The following STN1 variants were observed in gnomAD, a reference collection of about 807,000 sequenced individuals.
The protein encoded by STN1 is CST complex subunit STN1.
Under a neutral mutation model 45.5 loss-of-function variants are expected in STN1, and 29 were observed. The ratio of observed to expected loss-of-function variants is 0.64; its 90% CI spans 0.47 to 0.87. The LOEUF is 0.87. Among genes scored for constraint, STN1 ranks in the 40% least tolerant of loss-of-function variants. The pLI, the probability that STN1 is intolerant of heterozygous loss-of-function variation, is 0.00. For synonymous variants in STN1, 148 were observed against 159.0 expected (o/e 0.93, Z 0.52); for missense variants, 376 against 441.4 (o/e 0.85, Z 1.33).
At chr10:103,899,642 G>GTGCCACTGCATTGGGCTGTGACTC (rs1843193828) in intron 5 of STN1, among the ~76,000 whole-genome samples, 1 of 152,014 alleles carries the variant, frequency 6.6e-6, no homozygotes, top group African/African-American at 2.4e-5. Flanking sequence ...GGCTGTGACT[G>GTGCCACTGCATTGGGCTGTGACTC]TGCCACTGCA....
chr10:103,884,417 C>T (rs1041854571), intron 9 of STN1, among the ~76,000 whole-genome samples: 19 of 152,094 alleles, frequency 1.2e-4, no homozygotes, highest in African/African-American at 4.6e-4. Context: ...ATTCATGAAA[C>T]TTAATTTCAT....
chr10:103,906,306 T>C (rs1022701310), intron 3 of STN1, among the ~76,000 whole-genome samples: 5 of 152,194 alleles, frequency 3.3e-5, no homozygotes, highest in Middle Eastern at 3.2e-3. Flanking sequence ...TCTAACCACC[T>C]AAAAACTAAT....
intron 9 of STN1, among the ~76,000 whole-genome samples, chr10:103,884,873 T>C (rs1843093321): frequency 6.6e-6 from 1 of 152,218 alleles, no homozygotes; most frequent in Non-Finnish European, 1.5e-5. Context: ...CTAGTGGCTG[T>C]GTCCACTCAT....
At chr10:103,908,833 A>G (rs1257492559) in intron 3 of STN1, among the ~76,000 whole-genome samples, 2 of 152,186 alleles carry the variant, frequency 1.3e-5, no homozygotes, top group Non-Finnish European at 2.9e-5. Flanking sequence ...AAAGTCCTCA[A>G]ACAGTCTCAT....
At chr10:103,892,074 A>T in intron 8 of STN1, 56 bp downstream of exon 8, 1 of 1,339,330 alleles carries the variant, frequency 7.5e-7, no homozygotes, top group Non-Finnish European at 1.0e-6. Flanking sequence ...CATAAGTAAT[A>T]AATATATTTG....
Position 103,909,496 on chromosome 10 carries a change from G to GTATA in STN1, c.229+1027_229+1030dup, listed in dbSNP as rs1452774665. Among the ~76,000 whole-genome samples, 8 of 77,180 alleles carry GTATA rather than the reference G, an allele frequency of 1.0e-4. 1 individual carries two copies. Among genetic ancestry groups the GTATA allele is most frequent in the Non-Finnish European group, 1.7e-4 (7 of 40,568 alleles). The allele number at this position is 77,180 out of a possible 152,430, so 50.6% of individuals were successfully genotyped here. ...TATATATGTATATATATGTGTGTGT[G>GTATA]TATATGTATATATGTATATATGTAT... On this transcript the variant is annotated intron_variant, in intron 3 of 9. Coordinates refer to ENST00000224950, the MANE Select transcript of STN1 (RefSeq NM_024928.5).
At chr10:103,885,891 GC>G (rs1299785810) in intron 9 of STN1, among the ~76,000 whole-genome samples, 1 of 152,098 alleles carries the variant, frequency 6.6e-6, no homozygotes, top group African/African-American at 2.4e-5. Context: ...TGATAACTGC[GC>G]CTTATATTTT....
chr10:103,907,853 G>C (rs1843252391), intron 3 of STN1, among the ~76,000 whole-genome samples: 2 of 152,016 alleles, frequency 1.3e-5, no homozygotes, highest in Admixed American at 1.3e-4. Flanking sequence ...AGCAGGCCAG[G>C]AGCAGTGGCT....
In STN1 at chr10:103,882,626, G is replaced by A; in HGVS notation, c.*58C>T. ...CCCCTGCATGATGCTGAAAGTCAGA[G>A]CCTGGGGGTGAATGCCACCTTATCT... On this transcript the variant is annotated 3_prime_UTR_variant, in exon 10 of 10. Transcript: ENST00000224950. The A allele has an allele frequency of 6.5e-7, 1 of 1,538,078 alleles. No homozygotes were observed. The highest frequency in any genetic ancestry group is 8.8e-7 in the Non-Finnish European group (1 of 1,135,436).
chr10:103,901,418 C>T (rs181046727), intron 4 of STN1, among the ~76,000 whole-genome samples: 2 of 152,196 alleles, frequency 1.3e-5, no homozygotes, highest in East Asian at 3.9e-4. Flanking sequence ...TGTATGGGGG[C>T]AGTATAGCTC....
chr10:103,914,374 A>ATTTTTTTT (rs1264013304), intron 2 of STN1, among the ~76,000 whole-genome samples: 8 of 97,408 alleles, frequency 8.2e-5, no homozygotes, highest in African/African-American at 3.9e-4. Context: ...ATATATATAT[A>ATTTTTTTT]TTTTTTTTTT....
At position 103,900,160 on chromosome 10, in the gene STN1, ATGGTC is replaced by A. The variant is rs1564633525; in HGVS notation, c.354_358del (p.Glu118AspfsTer2). On this transcript the variant is annotated frameshift_variant, in exon 5 of 10. Transcript: ENST00000224950. LOFTEE classifies it high-confidence loss of function. ...GATCTCTATCTTTGTTTTCTGCTCA[ATGGTC>A]TCTTGTAGCTTCTTAAGTTGTGAGG... The A allele has an allele frequency of 1.7e-5, 27 of 1,614,048 alleles. No individual in the cohort carries two copies. Among genetic ancestry groups the A allele is most frequent in the Non-Finnish European group, 2.3e-5 (27 of 1,180,018 alleles).
rs1843181288 is a variant in STN1 at position 103,897,804 on chromosome 10, GA to G, written c.582-86del. ...TGTATAAAAACCAGAAAATTAGCTA[GA>G]AAATGCAACACTATATTGGAGTTTG... is the stretch of plus-strand genomic sequence containing the variant. On this transcript the variant is annotated intron_variant, in intron 6 of 9. Coordinates refer to ENST00000224950, the MANE Select transcript of STN1 (RefSeq NM_024928.5). 1.0e-5 allele frequency: 14 copies of G among 1,358,520 alleles called. No individual in the cohort carries two copies. In the South Asian group the frequency reaches 1.7e-4, roughly 16 times the overall value. 84.2% of individuals were successfully genotyped at this position (1,358,520 alleles called of 1,614,324 possible). A position where few individuals can be genotyped will look rare whatever the true frequency, so the allele number is the denominator to read the frequency against.
rs1843043971 is a variant in STN1 at position 103,878,329 on chromosome 10, G to C, written c.*4355C>G. On this transcript the variant is annotated 3_prime_UTR_variant, in exon 10 of 10. Transcript: ENST00000224950. Reference sequence around the variant, plus strand: ...GGCTGGTCTTCAGTACATGAGCAGTGACCCAGCTGTGGTTAGCTCCAGAGA... The same window carrying C: ...GGCTGGTCTTCAGTACATGAGCAGTCACCCAGCTGTGGTTAGCTCCAGAGA... The C allele has an allele frequency of 6.6e-6, 1 of 152,190 alleles. No homozygotes were observed. The highest frequency in any genetic ancestry group is 2.4e-5 in the African/African-American group (1 of 41,440). 9.4% of individuals were successfully genotyped at this position (152,190 alleles called of 1,614,324 possible).
chr10:103,914,789 C>T (rs1025672236), intron 2 of STN1, among the ~76,000 whole-genome samples: 18 of 152,116 alleles, frequency 1.2e-4, no homozygotes, highest in South Asian at 6.2e-4. Flanking sequence ...GAGGAGCTGA[C>T]GTTTTGCAAT....
intron 6 of STN1, chr10:103,898,155 AG>A (rs1340247554): frequency 5.1e-5 from 8 of 155,750 alleles, no homozygotes; most frequent in Admixed American, 3.8e-4. Context: ...ATGAGTCTAT[AG>A]TTGTGCTTTT....
intron 3 of STN1, 44 bp from the exon 4 acceptor site, chr10:103,905,200 G>C: frequency 1.3e-6 from 2 of 1,538,430 alleles, no homozygotes; most frequent in Non-Finnish European, 1.8e-6. Context: ...TTTGGGCAAG[G>C]CTGGTGAATT....
Position 103,882,451 on chromosome 10 carries a change from T to C in STN1, c.*233A>G, listed in dbSNP as rs1564910202. 3 of 462,134 alleles carry C rather than the reference T, an allele frequency of 6.5e-6. No homozygotes were observed. Among genetic ancestry groups the C allele is most frequent in the Admixed American group, 7.8e-5 (2 of 25,770 alleles). 28.6% of individuals were successfully genotyped at this position (462,134 alleles called of 1,614,324 possible). A position where few individuals can be genotyped will look rare whatever the true frequency, so the allele number is the denominator to read the frequency against. On this transcript the variant is annotated 3_prime_UTR_variant, in exon 10 of 10. Transcript: ENST00000224950. ...CAGCCAGGAGCTCAACAGGGAGGGTTTTCTTGTTGTGTCATGGCTGAGATC... is the reference window on the plus strand; with the variant it reads ...CAGCCAGGAGCTCAACAGGGAGGGTCTTCTTGTTGTGTCATGGCTGAGATC...
At chr10:103,909,673 C>T (rs1843277928) in intron 3 of STN1, among the ~76,000 whole-genome samples, 1 of 151,600 alleles carries the variant, frequency 6.6e-6, no homozygotes. Flanking sequence ...ATTGTATCTA[C>T]AAATTATCAA....
Sources: gnomAD v4.1 joint callset for allele counts (sites outside exome capture counted in the v4.1 genomes callset) on GRCh38, gnomAD v4.1.1 for gene constraint, MANE v1.5 for transcripts, NCBI Gene and HGNC (gene_info 2026-07-23, HGNC 2026-07-21) for gene names.